CAPN13: variants seen among roughly 807,000 people sequenced by gnomAD.
CAPN13 encodes calpain-13.
A neutral mutation model predicts 98.4 loss-of-function variants in CAPN13; 90 were observed. That is an observed-to-expected ratio of 0.92 (90% confidence interval 0.77 to 1.09). The LOEUF (loss-of-function observed/expected upper bound fraction) is 1.09, where lower values mean the gene tolerates loss of function less well. Among genes scored for constraint, CAPN13 ranks in the 50% least tolerant of loss-of-function variants. The probability of loss-of-function intolerance (pLI) is 0.00; values close to 1 mark genes in which losing one functional copy is unlikely to be tolerated. For missense variants in CAPN13, 887 were observed against 841.3 expected (o/e 1.05, Z -0.67); for synonymous variants, 330 against 305.5 (o/e 1.08, Z -0.84).
chr2:30,730,522 G>A (rs1405345067), intron 22 of CAPN13, among the ~76,000 whole-genome samples: 1 of 152,098 alleles, frequency 6.6e-6, no homozygotes, highest in African/African-American at 2.4e-5. Context: ...TTCCATAAAG[G>A]TCCATTGGTC....
At chr2:30,743,150 C>T (rs763948237) in intron 13 of CAPN13, 2 of 555,782 alleles carry the variant, frequency 3.6e-6, no homozygotes, top group African/African-American at 1.9e-5. Context: ...TCCTCCCGTG[C>T]CACTTTGCAT....
In CAPN13 at chr2:30,738,271, G is replaced by A. The variant is rs752255128; in HGVS notation, c.1617C>T (p.Ser539=). ...LLTGPPGDMF[S]LDECRSLVAL... is the part of the protein sequence containing the mutation. The stretch of plus-strand genomic sequence containing the variant: ...CCACCAAGCTGCGGCACTCATCTAA[G>A]GAGAACATGTCCCCTGGAGGTCCTG... Residue 539 remains serine, a synonymous_variant, in exon 17 of 23, where the codon TCC becomes TCT. Transcript: ENST00000295055. 3.7e-6 allele frequency: 6 copies of A among 1,614,016 alleles called. No homozygotes were observed. In the South Asian group the frequency reaches 5.5e-5, roughly 15 times the overall value.
At chr2:30,752,324 C>T (rs994421360) in intron 10 of CAPN13, among the ~76,000 whole-genome samples, 6 of 152,196 alleles carry the variant, frequency 3.9e-5, no homozygotes, top group Admixed American at 2.0e-4. Context: ...TACGCAGCCT[C>T]TTTTATCAAA....
chr2:30,776,147 T>C (rs1167437613), intron 3 of CAPN13, 102 bp from the exon 4 acceptor site: 16 of 655,706 alleles, frequency 2.4e-5, no homozygotes, highest in Non-Finnish European at 3.5e-5. Flanking sequence ...CAATTCCTTC[T>C]AAATAATGCA....
At chr2:30,783,137 T>C (rs1558336430) in intron 2 of CAPN13, among the ~76,000 whole-genome samples, 1 of 152,230 alleles carries the variant, frequency 6.6e-6, no homozygotes. Context: ...GTGCTTAGCA[T>C]AATACTTCAC....
At chr2:30,734,670 TG>T in intron 18 of CAPN13, 146 bp from the exon 19 acceptor site, 1 of 678,264 alleles carries the variant, frequency 1.5e-6, no homozygotes, top group Non-Finnish European at 2.6e-6. Flanking sequence ...TGGCCACACC[TG>T]GTGAACTGAC....
intron 4 of CAPN13, among the ~76,000 whole-genome samples, chr2:30,775,408 A>C (rs1168769635): frequency 1.3e-5 from 2 of 152,234 alleles, no homozygotes; most frequent in Non-Finnish European, 2.9e-5. Context: ...AACAATAAAA[A>C]TGTAATTTTT....
intron 7 of CAPN13, among the ~76,000 whole-genome samples, chr2:30,762,625 C>G (rs1243591420): frequency 1.3e-5 from 2 of 152,196 alleles, no homozygotes; most frequent in Non-Finnish European, 2.9e-5. Context: ...GAGCCACCTA[C>G]TAGTCCTGGC....
intron 17 of CAPN13, chr2:30,737,801 G>A (rs568634805): frequency 1.9e-5 from 4 of 210,122 alleles, no homozygotes; most frequent in African/African-American, 6.7e-5. Context: ...TAAGGTTAGA[G>A]CATCGACTTT....
chr2:30,723,681 G>A (rs1261705129), intron 22 of CAPN13, among the ~76,000 whole-genome samples: 1 of 152,188 alleles, frequency 6.6e-6, no homozygotes, highest in Non-Finnish European at 1.5e-5. Context: ...TTCTGCAGAG[G>A]AGTGGTTTTT....
At chr2:30,741,483 C>T in intron 15 of CAPN13, 1 of 1,027,394 alleles carries the variant, frequency 9.7e-7, no homozygotes, top group Non-Finnish European at 1.2e-6. Context: ...CCTGTGTGCA[C>T]ATAGGTGGTT....
chr2:30,780,870 C>T (rs1160261206), intron 2 of CAPN13, among the ~76,000 whole-genome samples: 2 of 152,164 alleles, frequency 1.3e-5, no homozygotes, highest in Admixed American at 6.5e-5. Context: ...ATTAAGGAAA[C>T]AGGTAAAGAT....
At chr2:30,787,642 C>T (rs574622645) in intron 1 of CAPN13, among the ~76,000 whole-genome samples, 12 of 152,286 alleles carry the variant, frequency 7.9e-5, no homozygotes, top group Admixed American at 7.8e-4. Flanking sequence ...TTGAGCACTG[C>T]CAGGTGAAGA....
chr2:30,730,433 C>T (rs906357957), intron 22 of CAPN13, among the ~76,000 whole-genome samples: 12 of 152,200 alleles, frequency 7.9e-5, no homozygotes, highest in Admixed American at 5.9e-4. Context: ...TTGCCCTTCC[C>T]GTGATGAGAG....
At chr2:30,740,101 T>G (rs903425814) in intron 15 of CAPN13, among the ~76,000 whole-genome samples, 20 of 148,876 alleles carry the variant, frequency 1.3e-4, no homozygotes, top group East Asian at 2.0e-4. Flanking sequence ...TTTTTTTTTT[T>G]TTTTTTTTTT....
chr2:30,738,308 A>C lies in CAPN13; in HGVS notation c.1595-15T>G. ...CCCTGGAGGTCCTGAGGAGAGAAGGACAGGAAGGACTGAAGTGTTGACAGT... is the reference window on the plus strand; with the variant it reads ...CCCTGGAGGTCCTGAGGAGAGAAGGCCAGGAAGGACTGAAGTGTTGACAGT... On this transcript the variant is annotated splice_polypyrimidine_tract_variant and intron_variant, in intron 16 of 22. Transcript: ENST00000295055. The C allele has an allele frequency of 6.2e-7, 1 of 1,613,908 alleles. No homozygotes were observed. Among genetic ancestry groups the C allele is most frequent in the Non-Finnish European group, 8.5e-7 (1 of 1,179,846 alleles).
chr2:30,736,648 C>G lies in CAPN13; in HGVS notation c.1654-77G>C, dbSNP rs1466572425. 2.3e-6 allele frequency: 3 copies of G among 1,326,172 alleles called. No individual in the cohort carries two copies. In the African/African-American group the frequency reaches 4.3e-5, roughly 19 times the overall value. 82.2% of individuals were successfully genotyped at this position (1,326,172 alleles called of 1,614,324 possible). A position where few individuals can be genotyped will look rare whatever the true frequency, so the allele number is the denominator to read the frequency against. ...TGCCATCCTGCCAACAAAGCCAGAG[C>G]AGGCCCATTCATCACTAGCAACACA... is the stretch of plus-strand genomic sequence containing the variant. On this transcript the variant is annotated intron_variant, in intron 17 of 22. Coordinates refer to ENST00000295055, the MANE Select transcript of CAPN13 (RefSeq NM_144575.3).
rs772314695 is a variant in CAPN13, at chr2:30,741,933, C to A, written c.1511G>T (p.Ser504Ile). 6 of 1,613,844 alleles carry A rather than the reference C, an allele frequency of 3.7e-6. No homozygotes were observed. Among genetic ancestry groups the A allele is most frequent in the Non-Finnish European group, 5.1e-6 (6 of 1,179,878 alleles). ...CTGCTGAGCATATCTGTTGAAAATG[C>A]TTTGTTGGGAGCCATGTTCTGAAGG... ...GSPSEHGSQQ[S>I]IFNRYAQQRL... Residue 504 changes from serine (S) to isoleucine (I), a missense_variant, in exon 15 of 23, where the codon AGC (serine) becomes ATC (isoleucine). Transcript: ENST00000295055.
chr2:30,759,559 A>G (rs576303683), intron 7 of CAPN13, among the ~76,000 whole-genome samples: 2 of 152,296 alleles, frequency 1.3e-5, no homozygotes, highest in South Asian at 2.1e-4. Flanking sequence ...GTCAGAGGAG[A>G]AGGACAAGTC....
Sources: allele counts gnomAD v4.1 joint callset (sites outside exome capture counted in the v4.1 genomes callset), GRCh38; gene constraint gnomAD v4.1.1; transcripts MANE v1.5; gene names NCBI Gene and HGNC (gene_info 2026-07-23, HGNC 2026-07-21).